The following NEDD4L variants were observed in gnomAD, a reference collection of about 807,000 sequenced individuals.
NEDD4L encodes the protein NEDD4 like E3 ubiquitin protein ligase, also known as E3 ubiquitin-protein ligase NEDD4-like.
NEDD4L carries 54 observed loss-of-function variants against 148.9 expected under a neutral mutation model. That is an observed-to-expected ratio of 0.36 (90% confidence interval 0.29 to 0.45). The LOEUF (loss-of-function observed/expected upper bound fraction) is 0.45. Among genes scored for constraint, NEDD4L ranks in the 20% least tolerant of loss-of-function variants. NEDD4L has a pLI of 1.00. For synonymous variants in NEDD4L, 433 were observed against 440.7 expected (o/e 0.98, Z 0.22); for missense variants, 856 against 1,233.8 (o/e 0.69, Z 4.59).
rs767705196 is a variant in NEDD4L, at chr18:58,396,287, G to A, written c.*18G>A. On this transcript the variant is annotated 3_prime_UTR_variant, in exon 31 of 31. Coordinates refer to ENST00000400345, the MANE Select transcript of NEDD4L (RefSeq NM_001144967.3). ...TGGATTAAGCACCCTGTGCCTCGGG[G>A]GTGGTTGTTCTTCAAGCAAGTTCTG... 8 of 1,560,002 alleles carry A rather than the reference G, an allele frequency of 5.1e-6. No individual in the cohort carries two copies. The highest frequency in any genetic ancestry group is 1.1e-5 in the South Asian group (1 of 88,422).
At chr18:58,123,286 C>G (rs747252755) in intron 1 of NEDD4L, among the ~76,000 whole-genome samples, 2 of 152,156 alleles carry the variant, frequency 1.3e-5, no homozygotes, top group Non-Finnish European at 2.9e-5. Flanking sequence ...TTTAGTGACC[C>G]TTTTTAGATC....
rs144206780 is a variant in NEDD4L at position 58,081,875 on chromosome 18, T to G, written c.48+37167T>G. ...TTTGCATAGAATTGAAATTGCCTAT[T>G]TACCTCAATGACACCATCCTAATAG... On this transcript the variant is annotated intron_variant, in intron 1 of 30. Coordinates refer to ENST00000400345, the MANE Select transcript of NEDD4L (RefSeq NM_001144967.3). Among the ~76,000 whole-genome samples the G allele has an allele frequency of 6.9e-3, 1,042 of 152,046 alleles. 10 individuals carry two copies. Among genetic ancestry groups the G allele is most frequent in the African/African-American group, 0.024 (984 of 41,462 alleles).
chr18:58,195,062 A>T (rs2040508723), intron 2 of NEDD4L, among the ~76,000 whole-genome samples: 1 of 152,236 alleles, frequency 6.6e-6, no homozygotes, highest in South Asian at 2.1e-4. Context: ...GTGGGACAGT[A>T]ATTTAAACAG....
intron 5 of NEDD4L, among the ~76,000 whole-genome samples, chr18:58,276,194 G>GTTTTTTGT (rs2051924347): frequency 1.7e-5 from 1 of 57,518 alleles, no homozygotes. Flanking sequence ...TTTCTTTTTC[G>GTTTTTTGT]TTTTTTTTTT....
At chr18:58,395,662 C>A (rs754329325) in intron 30 of NEDD4L, among the ~76,000 whole-genome samples, 2 of 152,162 alleles carry the variant, frequency 1.3e-5, no homozygotes, top group Non-Finnish European at 2.9e-5. Flanking sequence ...AAGACTGTGA[C>A]CTCAGGAACC....
At chr18:58,354,868 C>G (rs2044381919) in intron 18 of NEDD4L, among the ~76,000 whole-genome samples, 1 of 152,190 alleles carries the variant, frequency 6.6e-6, no homozygotes, top group African/African-American at 2.4e-5. Flanking sequence ...AGATGGATGA[C>G]AAACACTGAG....
At chr18:58,127,702 G>A (rs1039313004) in intron 1 of NEDD4L, among the ~76,000 whole-genome samples, 6 of 151,954 alleles carry the variant, frequency 3.9e-5, no homozygotes, top group Non-Finnish European at 7.4e-5. Flanking sequence ...TTAGCTGGGC[G>A]TGGTGGCAGG....
At chr18:58,275,654 C>G (rs960833553) in intron 5 of NEDD4L, among the ~76,000 whole-genome samples, 3 of 152,214 alleles carry the variant, frequency 2.0e-5, no homozygotes, top group African/African-American at 7.2e-5. Context: ...CTGCCATGCC[C>G]TGACTCACCT....
chr18:58,181,383 A>G (rs753978621), intron 2 of NEDD4L, among the ~76,000 whole-genome samples: 1 of 152,210 alleles, frequency 6.6e-6, no homozygotes, highest in Non-Finnish European at 1.5e-5. Context: ...AATGTTTATG[A>G]ATCAGAGCTT....
Position 58,047,755 on chromosome 18 carries a change from C to G in NEDD4L, c.48+3047C>G, listed in dbSNP as rs1260233364. Among the ~76,000 whole-genome samples the G allele has an allele frequency of 5.3e-5, 8 of 152,268 alleles. No individual in the cohort carries two copies. The East Asian group carries it at 1.3e-3, about 26-fold the overall frequency. ...TCAGATTTGGTTTGGAATCAGAACACTTTGGACTAGTTTCTGCATCTGGCT... is the reference window on the plus strand; with the variant it reads ...TCAGATTTGGTTTGGAATCAGAACAGTTTGGACTAGTTTCTGCATCTGGCT... On this transcript the variant is annotated intron_variant, in intron 1 of 30. Coordinates refer to ENST00000400345, the MANE Select transcript of NEDD4L (RefSeq NM_001144967.3).
intron 2 of NEDD4L, among the ~76,000 whole-genome samples, chr18:58,242,702 C>T (rs1285224324): frequency 1.3e-5 from 2 of 152,062 alleles, no homozygotes; most frequent in Non-Finnish European, 2.9e-5. Flanking sequence ...GATGGGGTTT[C>T]GCCATGTTGC....
chr18:58,090,634 C>T (rs569491536), intron 1 of NEDD4L, among the ~76,000 whole-genome samples: 13 of 152,292 alleles, frequency 8.5e-5, no homozygotes, highest in African/African-American at 3.1e-4. Context: ...TGCACCACCA[C>T]GCCTGGCTAA....
chr18:58,373,074 C>A, intron 23 of NEDD4L, 100 bp from the exon 24 acceptor site: 1 of 696,490 alleles, frequency 1.4e-6, no homozygotes. Context: ...ATTTCTTGAG[C>A]ATTCTGCACA....
chr18:58,159,061 G>C (rs1463905465), intron 1 of NEDD4L, among the ~76,000 whole-genome samples: 1 of 152,124 alleles, frequency 6.6e-6, no homozygotes, highest in African/African-American at 2.4e-5. Flanking sequence ...TTAGGAGGGG[G>C]TGGCAGCAAT....
chr18:58,348,188 T>C (rs1198510009), intron 16 of NEDD4L, among the ~76,000 whole-genome samples: 3 of 152,002 alleles, frequency 2.0e-5, no homozygotes, highest in Non-Finnish European at 4.4e-5. Flanking sequence ...TGCAGAGATA[T>C]GGTTTTGCTT....
chr18:58,125,293 C>A (rs1364922225), intron 1 of NEDD4L, among the ~76,000 whole-genome samples: 2 of 152,040 alleles, frequency 1.3e-5, no homozygotes, highest in Non-Finnish European at 2.9e-5. Flanking sequence ...AGATTTAAAT[C>A]CAAGCAATGT....
chr18:58,044,481 A>C lies in NEDD4L; in HGVS notation c.-180A>C. 7 of 725,724 alleles carry C rather than the reference A, an allele frequency of 9.6e-6. No individual in the cohort carries two copies. Among genetic ancestry groups the C allele is most frequent in the Non-Finnish European group, 1.1e-5 (6 of 527,316 alleles). 45.0% of individuals were successfully genotyped at this position (725,724 alleles called of 1,614,324 possible). A position where few individuals can be genotyped will look rare whatever the true frequency, so the allele number is the denominator to read the frequency against. ...CCTTCCGGGAGGAAGCGGTGCCGGC[A>C]GCGTCCAGGGCGCGCTCTCGGGCAC... On this transcript the variant is annotated 5_prime_UTR_variant, in exon 1 of 31. Transcript: ENST00000400345.
intron 2 of NEDD4L, among the ~76,000 whole-genome samples, chr18:58,181,690 G>C (rs540483940): frequency 6.6e-6 from 1 of 152,054 alleles, no homozygotes; most frequent in African/African-American, 2.4e-5. Context: ...TCCTCCTGTC[G>C]TGGCCTAAGA....
intron 1 of NEDD4L, among the ~76,000 whole-genome samples, chr18:58,073,882 CAA>C (rs1457948479): frequency 2.0e-5 from 3 of 152,178 alleles, no homozygotes; most frequent in Non-Finnish European, 4.4e-5. Flanking sequence ...TATTTAAAAA[CAA>C]TATACAGTTA....
Sources: gnomAD v4.1 joint callset for allele counts (sites outside exome capture counted in the v4.1 genomes callset) on GRCh38, gnomAD v4.1.1 for gene constraint, MANE v1.5 for transcripts, NCBI Gene and HGNC (gene_info 2026-07-23, HGNC 2026-07-21) for gene names.